Variants in ACTR3C observed in about 807,000 individuals in gnomAD.
ACTR3C encodes actin related protein 3C, also known as actin-related protein 3C.
A neutral mutation model predicts 26.3 loss-of-function variants in ACTR3C; 18 were observed. The ratio of observed to expected loss-of-function variants is 0.68; its 90% CI spans 0.47 to 1.01. The LOEUF is 1.01. Ranked by LOEUF, ACTR3C falls within the 50% of genes least tolerant of loss-of-function variation. The pLI is 0.00. For synonymous variants in ACTR3C, 55 were observed against 94.5 expected (o/e 0.58, Z 2.42); for missense variants, 184 against 250.7 (o/e 0.73, Z 1.80).
the ACTR3C span, among the ~76,000 whole-genome samples, chr7:149,894,432 C>G: frequency 4.6e-5 from 7 of 152,176 alleles, no homozygotes; most frequent in African/African-American, 1.7e-4. Flanking sequence ...GCAAAGAAAA[C>G]AATCAACAGA....
the ACTR3C span, among the ~76,000 whole-genome samples, chr7:150,145,076 C>A: frequency 6.6e-6 from 1 of 151,966 alleles, no homozygotes; most frequent in Non-Finnish European, 1.5e-5. Context: ...AGATTCCCCC[C>A]CTTTCCTATT....
At chr7:150,181,602 A>C in the ACTR3C span, among the ~76,000 whole-genome samples, 409 of 145,922 alleles carry the variant, frequency 2.8e-3, 30 homozygotes, top group African/African-American at 0.011. Context: ...CTGTCTCAGA[A>C]AAAAAAGTTT....
the ACTR3C span, among the ~76,000 whole-genome samples, chr7:150,041,801 C>CA: frequency 2.2e-5 from 3 of 134,682 alleles, no homozygotes; most frequent in Admixed American, 1.4e-4. Context: ...GGGGGTGCCT[C>CA]CCCCCCTGCG....
At chr7:150,097,338 C>T in the ACTR3C span, among the ~76,000 whole-genome samples, 21 of 151,854 alleles carry the variant, frequency 1.4e-4, no homozygotes, top group Non-Finnish European at 2.6e-4. Flanking sequence ...AGTGTCTACA[C>T]AGGTTTCATT....
chr7:150,037,158 C>CA, the ACTR3C span, among the ~76,000 whole-genome samples: 1 of 53,688 alleles, frequency 1.9e-5, no homozygotes, highest in African/African-American at 7.4e-5. Context: ...GGGTGCCTCC[C>CA]CCCCTGTGAT....
chr7:150,167,875 A>T, the ACTR3C span, among the ~76,000 whole-genome samples: 1 of 150,784 alleles, frequency 6.6e-6, no homozygotes, highest in African/African-American at 2.5e-5. Flanking sequence ...TGTCTTCATC[A>T]TACAAATTCT....
the ACTR3C span, among the ~76,000 whole-genome samples, chr7:149,971,304 A>G: frequency 6.6e-6 from 1 of 152,182 alleles, no homozygotes; most frequent in Non-Finnish European, 1.5e-5. Context: ...ATTTTTGTGC[A>G]CTGATAAAAT....
At chr7:149,881,964 G>C in the ACTR3C span, 1 of 152,310 alleles carries the variant, frequency 6.6e-6, no homozygotes, top group Non-Finnish European at 1.5e-5. Flanking sequence ...GTGGGCAGGT[G>C]GGGGGTGAGA....
chr7:150,104,290 C>T, the ACTR3C span, among the ~76,000 whole-genome samples: 1 of 151,630 alleles, frequency 6.6e-6, no homozygotes, highest in Non-Finnish European at 1.5e-5. Context: ...AGGATAGGCC[C>T]AGAATTTTTA....
At chr7:150,155,953 T>TGA in the ACTR3C span, among the ~76,000 whole-genome samples, 3 of 152,094 alleles carry the variant, frequency 2.0e-5, no homozygotes, top group Non-Finnish European at 4.4e-5. Flanking sequence ...ACAGCGCATT[T>TGA]GAGAGAGTAA....
chr7:150,323,337 C>G (rs1042722333), intron 1 of ACTR3C, 132 bp downstream of exon 1: 2 of 274,638 alleles, frequency 7.3e-6, no homozygotes, highest in African/African-American at 2.4e-5. Context: ...TTGGCCAGGC[C>G]CCCTGGGCGC....
the ACTR3C span, among the ~76,000 whole-genome samples, chr7:149,962,697 T>G: frequency 3.3e-5 from 5 of 152,092 alleles, no homozygotes; most frequent in African/African-American, 1.2e-4. Flanking sequence ...GCACTAAAAT[T>G]CCAATTCCTC....
At chr7:150,242,693 A>G (rs936403503), downstream of ACTR3C, among the ~76,000 whole-genome samples, 2 of 152,224 alleles carry the variant, frequency 1.3e-5, no homozygotes, top group Non-Finnish European at 2.9e-5. Flanking sequence ...GTGGATACAC[A>G]TTTGTGAAAA....
the ACTR3C span, among the ~76,000 whole-genome samples, chr7:150,184,491 A>G: frequency 7.3e-5 from 11 of 150,550 alleles, no homozygotes; most frequent in Admixed American, 3.3e-4. Flanking sequence ...GAGCGGAGAG[A>G]TGCATAGGGC....
At chr7:150,068,465 T>C in the ACTR3C span, among the ~76,000 whole-genome samples, 1 of 152,100 alleles carries the variant, frequency 6.6e-6, no homozygotes, top group Admixed American at 6.5e-5. Flanking sequence ...AGATATCCAA[T>C]TTTGAGTTTT....
the ACTR3C span, among the ~76,000 whole-genome samples, chr7:150,042,743 AGGGGGG>A: frequency 6.6e-6 from 1 of 151,584 alleles, no homozygotes; most frequent in Non-Finnish European, 1.5e-5. Context: ...GCCCTCTAAT[AGGGGGG>A]CCATCCTTTA....
At chr7:150,008,669 C>G in the ACTR3C span, among the ~76,000 whole-genome samples, 2 of 150,258 alleles carry the variant, frequency 1.3e-5, no homozygotes, top group Non-Finnish European at 3.0e-5. Context: ...GGGGCCACAT[C>G]CCCCAGTGAC....
the ACTR3C span, among the ~76,000 whole-genome samples, chr7:150,179,752 A>C: frequency 4.0e-5 from 6 of 151,750 alleles, no homozygotes; most frequent in Admixed American, 6.5e-5. Flanking sequence ...TGGCCTACCA[A>C]AGTGCTGGGA....
the ACTR3C span, among the ~76,000 whole-genome samples, chr7:150,187,207 T>C: frequency 1.3e-5 from 2 of 151,216 alleles, no homozygotes; most frequent in African/African-American, 4.9e-5. Context: ...TTCTTTAAAT[T>C]ATAACCAATT....
Sources: gnomAD v4.1 joint callset for allele counts (sites outside exome capture counted in the v4.1 genomes callset) on GRCh38, gnomAD v4.1.1 for gene constraint, MANE v1.5 for transcripts, NCBI Gene and HGNC (gene_info 2026-07-23, HGNC 2026-07-21) for gene names.